The following GFOD1 variants were observed in gnomAD, a reference collection of about 807,000 sequenced individuals.
The protein encoded by GFOD1 is glucose-fructose oxidoreductase domain-containing protein 1.
Under a neutral mutation model 25.4 loss-of-function variants are expected in GFOD1, and 9 were observed. The observed-to-expected ratio is 0.35, with a 90% CI of 0.21 to 0.62. The LOEUF is 0.62. Among genes scored for constraint, GFOD1 ranks in the 20% least tolerant of loss-of-function variants. The probability of loss-of-function intolerance (pLI) is 0.72; values close to 1 mark genes in which losing one functional copy is unlikely to be tolerated. For missense variants in GFOD1, 403 were observed against 556.9 expected, an observed-to-expected ratio of 0.72 and a Z score of 2.78; for synonymous variants, 253 against 245.6, an observed-to-expected ratio of 1.03 and a Z score of -0.28.
chr6:13,441,213 G>A (rs1757909796), intron 1 of GFOD1, among the ~76,000 whole-genome samples: 1 of 152,178 alleles, frequency 6.6e-6, no homozygotes, highest in African/African-American at 2.4e-5. Context: ...CTCTGAAGGT[G>A]CATGAGGGTC....
intron 1 of GFOD1, among the ~76,000 whole-genome samples, chr6:13,379,234 G>A (rs532459229): frequency 2.0e-5 from 3 of 152,280 alleles, no homozygotes; most frequent in African/African-American, 4.8e-5. Flanking sequence ...ATTTTGGGGA[G>A]CTGCCCAGCC....
chr6:13,453,364 A>G (rs1346789529), intron 1 of GFOD1, among the ~76,000 whole-genome samples: 1 of 152,236 alleles, frequency 6.6e-6, no homozygotes, highest in Middle Eastern at 3.2e-3. Flanking sequence ...TATGCACCTC[A>G]CTACCTAGCA....
chr6:13,469,570 C>T (rs1758442734), intron 1 of GFOD1: 2 of 1,053,568 alleles, frequency 1.9e-6, no homozygotes, highest in South Asian at 3.2e-5. Context: ...TGGAGTCAAG[C>T]AAACTTAAGT....
chr6:13,389,817 A>C (rs746122764), intron 1 of GFOD1, among the ~76,000 whole-genome samples: 2 of 152,142 alleles, frequency 1.3e-5, no homozygotes, highest in Non-Finnish European at 2.9e-5. Flanking sequence ...AATATTTTCC[A>C]AATACTGACA....
At chr6:13,383,993 G>A (rs979711239) in intron 1 of GFOD1, among the ~76,000 whole-genome samples, 20 of 152,282 alleles carry the variant, frequency 1.3e-4, no homozygotes, top group African/African-American at 4.6e-4. Flanking sequence ...TTGGGAGGCC[G>A]AGGCAGGTGG....
chr6:13,475,064 A>C (rs2127578334), intron 1 of GFOD1, among the ~76,000 whole-genome samples: 1 of 152,382 alleles, frequency 6.6e-6, no homozygotes, highest in African/African-American at 2.4e-5. Context: ...CAACAAAATA[A>C]GAAAATCACA....
At chr6:13,403,442 T>C (rs1202938126) in intron 1 of GFOD1, among the ~76,000 whole-genome samples, 1 of 152,226 alleles carries the variant, frequency 6.6e-6, no homozygotes, top group African/African-American at 2.4e-5. Context: ...TAGGTTTTTA[T>C]GTGCTTACCA....
chr6:13,392,959 G>A (rs189909894), intron 1 of GFOD1, among the ~76,000 whole-genome samples: 2 of 152,152 alleles, frequency 1.3e-5, no homozygotes, highest in East Asian at 3.9e-4. Context: ...CCACTTGGGG[G>A]GCTGAGGCAG....
At chr6:13,386,244 G>A (rs1785472195) in intron 1 of GFOD1, among the ~76,000 whole-genome samples, 1 of 151,968 alleles carries the variant, frequency 6.6e-6, no homozygotes, top group Non-Finnish European at 1.5e-5. Flanking sequence ...CGGTTCCCTT[G>A]TATTTCCAGA....
At chr6:13,370,687 CTG>C (rs1013927492) in intron 1 of GFOD1, among the ~76,000 whole-genome samples, 121 of 144,996 alleles carry the variant, frequency 8.3e-4, no homozygotes, top group Middle Eastern at 3.5e-3. Flanking sequence ...TAGTCAGACA[CTG>C]TGTGTGTGTG....
intron 1 of GFOD1, among the ~76,000 whole-genome samples, chr6:13,424,542 C>T (rs1479470535): frequency 6.6e-6 from 1 of 152,116 alleles, no homozygotes; most frequent in Non-Finnish European, 1.5e-5. Flanking sequence ...CTATTAAAAT[C>T]AGGTTTCAAA....
At chr6:13,409,146 AAAGAG>A (rs1460467173) in intron 1 of GFOD1, among the ~76,000 whole-genome samples, 10 of 33,448 alleles carry the variant, frequency 3.0e-4, no homozygotes, top group East Asian at 1.1e-3. Flanking sequence ...AGAAAGAAAG[AAAGAG>A]AGGAAAGAAA....
In GFOD1 at chr6:13,458,022, T is replaced by G. The variant is rs150991257; in HGVS notation, c.253+28616A>C. ...AGCTCATGTTTGAACTAATGACAAT[T>G]AAAATGCAAAAGTACTGTTTCCTAG... On this transcript the variant is annotated intron_variant, in intron 1 of 1. Transcript: ENST00000379287. Among the ~76,000 whole-genome samples, 514 of 152,354 alleles carry G rather than the reference T, an allele frequency of 3.4e-3. 9 individuals carry two copies. Among genetic ancestry groups the G allele is most frequent in the African/African-American group, 0.012 (479 of 41,580 alleles).
chr6:13,449,370 C>A (rs1335229389), intron 1 of GFOD1, among the ~76,000 whole-genome samples: 3 of 152,194 alleles, frequency 2.0e-5, no homozygotes, highest in Non-Finnish European at 2.9e-5. Flanking sequence ...AGTGCATACT[C>A]TCCTCTCCTT....
chr6:13,461,296 T>C (rs1758286101), intron 1 of GFOD1, among the ~76,000 whole-genome samples: 1 of 152,146 alleles, frequency 6.6e-6, no homozygotes. Flanking sequence ...CGGCCCTCTT[T>C]GTAGTGTCAT....
intron 1 of GFOD1, among the ~76,000 whole-genome samples, chr6:13,431,528 C>T (rs1480140871): frequency 4.6e-5 from 7 of 152,202 alleles, no homozygotes; most frequent in Non-Finnish European, 1.0e-4. Context: ...AAAGAGCCTT[C>T]CCTCCAGATA....
intron 1 of GFOD1, among the ~76,000 whole-genome samples, chr6:13,459,124 A>T (rs1380395601): frequency 1.3e-5 from 2 of 152,206 alleles, no homozygotes; most frequent in East Asian, 3.9e-4. Flanking sequence ...GCTGCTATCA[A>T]AAGAGCTTGC....
intron 1 of GFOD1, among the ~76,000 whole-genome samples, chr6:13,449,872 T>C (rs758787025): frequency 1.3e-5 from 2 of 152,206 alleles, no homozygotes; most frequent in Non-Finnish European, 1.5e-5. Flanking sequence ...CATGAAAACA[T>C]ACTAATACAC....
chr6:13,376,200 A>C (rs1432974920), intron 1 of GFOD1, among the ~76,000 whole-genome samples: 2 of 152,130 alleles, frequency 1.3e-5, no homozygotes, highest in Non-Finnish European at 2.9e-5. Context: ...GGAGGCAGGG[A>C]GGTGGGACGG....
Sources: gnomAD v4.1 joint callset for allele counts (sites outside exome capture counted in the v4.1 genomes callset) on GRCh38, gnomAD v4.1.1 for gene constraint, MANE v1.5 for transcripts, NCBI Gene and HGNC (gene_info 2026-07-23, HGNC 2026-07-21) for gene names.